The following FAM163A variants were observed in gnomAD, a reference collection of about 807,000 sequenced individuals.
FAM163A encodes the protein family with sequence similarity 163 member A, also known as protein FAM163A.
A neutral mutation model predicts 12.0 loss-of-function variants in FAM163A; 7 were observed. That is an observed-to-expected ratio of 0.58 (90% CI 0.33 to 1.10). The LOEUF (loss-of-function observed/expected upper bound fraction) is 1.10. Ranked by LOEUF, FAM163A falls within the 50% of genes least tolerant of loss-of-function variation. FAM163A has a pLI of 0.03. For missense variants in FAM163A, 202 were observed against 218.6 expected (o/e 0.92, Z 0.48); for synonymous variants, 101 against 91.0 (o/e 1.11, Z -0.62).
chr1:179,762,198 A>C (rs11590974), intron 1 of FAM163A, among the ~76,000 whole-genome samples: 1 of 152,122 alleles, frequency 6.6e-6, no homozygotes, highest in Admixed American at 6.5e-5. Context: ...AGAGATAATC[A>C]TGTTAGAAAC....
chr1:179,773,570 T>C (rs1688549433), intron 1 of FAM163A, among the ~76,000 whole-genome samples: 1 of 152,068 alleles, frequency 6.6e-6, no homozygotes. Context: ...GAAGCAAAAA[T>C]AATGAAGGGG....
chr1:179,765,595 G>A (rs1420540694), intron 1 of FAM163A, among the ~76,000 whole-genome samples: 1 of 152,128 alleles, frequency 6.6e-6, no homozygotes, highest in Non-Finnish European at 1.5e-5. Flanking sequence ...GGCATGAAAG[G>A]TCTGTGGGGC....
At chr1:179,796,899 C>T (rs1460577111) in intron 1 of FAM163A, among the ~76,000 whole-genome samples, 2 of 152,240 alleles carry the variant, frequency 1.3e-5, no homozygotes, top group Non-Finnish European at 2.9e-5. Flanking sequence ...TTACCTGGAT[C>T]ATCCATTCTG....
At chr1:179,792,283 T>TTGTGTGTGTGTGTGTGTGTG (rs3075152) in intron 1 of FAM163A, among the ~76,000 whole-genome samples, 4 of 133,566 alleles carry the variant, frequency 3.0e-5, no homozygotes, top group African/African-American at 5.7e-5. Flanking sequence ...CCATATCTGA[T>TTGTGTGTGTGTGTGTGTGTG]TGTGTGTGTG....
At chr1:179,754,530 G>T (rs377447346) in intron 1 of FAM163A, among the ~76,000 whole-genome samples, 1 of 151,996 alleles carries the variant, frequency 6.6e-6, no homozygotes, top group East Asian at 1.9e-4. Flanking sequence ...AGCAGGGAAG[G>T]CTCCTCAGAG....
intron 1 of FAM163A, chr1:179,803,949 C>G (rs192633528): frequency 6.8e-6 from 1 of 147,924 alleles, no homozygotes; most frequent in Non-Finnish European, 1.5e-5. Context: ...TAGGCTTCCC[C>G]CTCCTCCTGC....
intron 1 of FAM163A, among the ~76,000 whole-genome samples, chr1:179,785,631 G>GA (rs1690503542): frequency 6.6e-6 from 1 of 152,038 alleles, no homozygotes; most frequent in African/African-American, 2.4e-5. Context: ...TTAAAACACT[G>GA]AAAAACACAA....
rs137988800 is a variant in FAM163A, at chr1:179,795,202, A to G, written c.-135-12596A>G. On this transcript the variant is annotated intron_variant, in intron 1 of 4. Coordinates refer to ENST00000341785, the MANE Select transcript of FAM163A (RefSeq NM_173509.3). The stretch of plus-strand genomic sequence containing the variant: ...ATAAAACAGCCGGGCATGATGGCTC[A>G]TGCCTATAACCCCAGCTATTCAGGA... 6.4e-3 allele frequency among the ~76,000 whole-genome samples: 977 copies of G among 152,354 alleles called. 7 individuals are homozygous for G. The highest frequency in any genetic ancestry group is 0.022 in the African/African-American group (932 of 41,572).
chr1:179,757,965 C>T (rs75826629), intron 1 of FAM163A, among the ~76,000 whole-genome samples: 2,609 of 152,298 alleles, frequency 0.017, 71 homozygotes, highest in African/African-American at 0.059. Context: ...ACAATGATGA[C>T]TGCATTGACA....
At chr1:179,771,040 CCTG>C (rs1392466414) in intron 1 of FAM163A, among the ~76,000 whole-genome samples, 1 of 152,172 alleles carries the variant, frequency 6.6e-6, no homozygotes, top group Non-Finnish European at 1.5e-5. Flanking sequence ...CAGAATCTAT[CCTG>C]CTGCCCTCTG....
chr1:179,734,622 C>T, the FAM163A span, among the ~76,000 whole-genome samples: 5 of 152,150 alleles, frequency 3.3e-5, no homozygotes, highest in South Asian at 2.1e-4. Flanking sequence ...ATGAGCTCCT[C>T]GGGGGTCTCT....
At chr1:179,805,011 G>A (rs2148335992) in intron 1 of FAM163A, among the ~76,000 whole-genome samples, 1 of 152,264 alleles carries the variant, frequency 6.6e-6, no homozygotes, top group African/African-American at 2.4e-5. Context: ...TCATTTTTCT[G>A]TAAGTAACAA....
chr1:179,810,372 T>C (rs1182571790), intron 2 of FAM163A, among the ~76,000 whole-genome samples: 1 of 152,116 alleles, frequency 6.6e-6, no homozygotes, highest in Non-Finnish European at 1.5e-5. Flanking sequence ...CGCTCCCCTG[T>C]CAAAAGCCCC....
chr1:179,760,343 T>C (rs1360301116), intron 1 of FAM163A, among the ~76,000 whole-genome samples: 4 of 152,134 alleles, frequency 2.6e-5, no homozygotes, highest in Non-Finnish European at 5.9e-5. Context: ...CCAAAATCTA[T>C]CAATATTAGA....
At chr1:179,732,080 C>T in the FAM163A span, among the ~76,000 whole-genome samples, 1 of 152,158 alleles carries the variant, frequency 6.6e-6, no homozygotes, top group South Asian at 2.1e-4. Flanking sequence ...GGAAGCTTGC[C>T]TATTTCCGGT....
upstream of FAM163A, among the ~76,000 whole-genome samples, chr1:179,739,701 C>A (rs1178160171): frequency 6.6e-6 from 1 of 151,940 alleles, no homozygotes; most frequent in Non-Finnish European, 1.5e-5. Flanking sequence ...GTCAAAAAGA[C>A]AAAACAATCC....
intron 1 of FAM163A, among the ~76,000 whole-genome samples, chr1:179,804,995 C>T (rs1450016104): frequency 6.6e-6 from 1 of 152,152 alleles, no homozygotes; most frequent in African/African-American, 2.4e-5. Context: ...CTTACATTTC[C>T]ATGGATCATT....
At chr1:179,781,046 C>T (rs1312748730) in intron 1 of FAM163A, among the ~76,000 whole-genome samples, 1 of 151,940 alleles carries the variant, frequency 6.6e-6, no homozygotes, top group Non-Finnish European at 1.5e-5. Context: ...TTATGAAAAC[C>T]GTAGAGACGA....
upstream of FAM163A, among the ~76,000 whole-genome samples, chr1:179,738,498 T>C (rs1018015018): frequency 4.6e-5 from 7 of 152,156 alleles, no homozygotes; most frequent in Non-Finnish European, 1.0e-4. Context: ...TTTAGCAATA[T>C]GTGAAAAGAT....
Sources: allele counts gnomAD v4.1 joint callset (sites outside exome capture counted in the v4.1 genomes callset), GRCh38; gene constraint gnomAD v4.1.1; transcripts MANE v1.5; gene names NCBI Gene and HGNC (gene_info 2026-07-23, HGNC 2026-07-21).